Variants in PPARGC1A observed in about 807,000 individuals in gnomAD.
The protein encoded by PPARGC1A is peroxisome proliferator-activated receptor gamma coactivator 1-alpha.
PPARGC1A carries 25 observed loss-of-function variants against 88.7 expected under a neutral mutation model. That is an observed-to-expected ratio of 0.28 (90% CI 0.21 to 0.39). PPARGC1A has a LOEUF of 0.39. PPARGC1A is among the 10% of genes least tolerant of loss of function. The probability of loss-of-function intolerance (pLI) is 1.00; values close to 1 mark genes in which losing one functional copy is unlikely to be tolerated. For missense variants in PPARGC1A, 880 were observed against 968.7 expected (o/e 0.91, Z 1.22); for synonymous variants, 363 against 355.6 (o/e 1.02, Z -0.24).
the PPARGC1A span, among the ~76,000 whole-genome samples, chr4:24,303,947 A>G: frequency 6.6e-6 from 1 of 152,252 alleles, no homozygotes; most frequent in Non-Finnish European, 1.5e-5. Flanking sequence ...TCTTTCTGCC[A>G]TGGGGTTAGT....
the PPARGC1A span, among the ~76,000 whole-genome samples, chr4:23,956,759 T>C: frequency 6.6e-6 from 1 of 152,094 alleles, no homozygotes; most frequent in African/African-American, 2.4e-5. Context: ...AATGCACACA[T>C]AATAAAATTC....
chr4:23,889,506 AT>A, intron 1 of PPARGC1A: 1 of 426,010 alleles, frequency 2.3e-6, no homozygotes, highest in Non-Finnish European at 3.1e-6. Context: ...CCATTTTAAT[AT>A]TTTTATCTTC....
the PPARGC1A span, among the ~76,000 whole-genome samples, chr4:24,326,796 C>G: frequency 6.6e-6 from 1 of 152,178 alleles, no homozygotes; most frequent in Non-Finnish European, 1.5e-5. Context: ...CACCCTGTAG[C>G]CTTTCTGTCC....
the PPARGC1A span, among the ~76,000 whole-genome samples, chr4:24,071,671 A>G: frequency 1.3e-4 from 20 of 152,114 alleles, no homozygotes; most frequent in Non-Finnish European, 2.9e-4. Flanking sequence ...TCAAAGCACT[A>G]TTCAGGATGT....
chr4:24,456,650 G>A, the PPARGC1A span, among the ~76,000 whole-genome samples: 1 of 152,134 alleles, frequency 6.6e-6, no homozygotes, highest in South Asian at 2.1e-4. Flanking sequence ...AGAGCTTTGA[G>A]GTTTTAGCAA....
chr4:24,420,973 T>C, the PPARGC1A span, among the ~76,000 whole-genome samples: 1 of 152,100 alleles, frequency 6.6e-6, no homozygotes, highest in African/African-American at 2.4e-5. Context: ...TTAAAAGCAT[T>C]CCCTCAAGCC....
chr4:24,069,570 A>T, the PPARGC1A span, among the ~76,000 whole-genome samples: 1 of 152,206 alleles, frequency 6.6e-6, no homozygotes, highest in African/African-American at 2.4e-5. Flanking sequence ...ACAACACTGC[A>T]TGTTACTTAG....
intron 3 of PPARGC1A, among the ~76,000 whole-genome samples, chr4:23,831,051 A>G (rs1400912860): frequency 6.6e-6 from 1 of 152,234 alleles, no homozygotes; most frequent in Admixed American, 6.5e-5. Context: ...AGTGAAAAAT[A>G]GAAGAAAAAA....
At chr4:24,269,551 CTTTA>C in the PPARGC1A span, among the ~76,000 whole-genome samples, 4 of 152,080 alleles carry the variant, frequency 2.6e-5, no homozygotes, top group South Asian at 2.1e-4. Flanking sequence ...ATCTCAGTCA[CTTTA>C]TTTATAAAAG....
upstream of PPARGC1A, among the ~76,000 whole-genome samples, chr4:23,893,045 C>T (rs1479691973): frequency 6.6e-6 from 1 of 151,846 alleles, no homozygotes. Flanking sequence ...CTGCTGAGTG[C>T]CCCCAATGTT....
the PPARGC1A span, among the ~76,000 whole-genome samples, chr4:24,457,952 CAACAG>C: frequency 1.3e-5 from 2 of 151,924 alleles, no homozygotes; most frequent in Non-Finnish European, 2.9e-5. Flanking sequence ...CTGTAGATCT[CAACAG>C]AACATAGGCC....
At chr4:24,433,866 C>A in the PPARGC1A span, among the ~76,000 whole-genome samples, 1 of 152,166 alleles carries the variant, frequency 6.6e-6, no homozygotes, top group Non-Finnish European at 1.5e-5. Context: ...CCTGGCAGGG[C>A]CCCAGGACCA....
the PPARGC1A span, among the ~76,000 whole-genome samples, chr4:24,133,891 C>A: frequency 6.6e-6 from 1 of 152,148 alleles, no homozygotes; most frequent in Non-Finnish European, 1.5e-5. Context: ...CCCTTAAATC[C>A]TAAACTGTCC....
chr4:23,807,013 C>A (rs541350386), intron 10 of PPARGC1A, among the ~76,000 whole-genome samples: 1 of 152,132 alleles, frequency 6.6e-6, no homozygotes, highest in African/African-American at 2.4e-5. Context: ...CAGCTCTCTA[C>A]GTTTGCAAGT....
the PPARGC1A span, among the ~76,000 whole-genome samples, chr4:24,083,664 C>G: frequency 3.3e-5 from 5 of 152,248 alleles, no homozygotes; most frequent in African/African-American, 1.2e-4. Flanking sequence ...ATATACAGAA[C>G]AGTTCACCTC....
the PPARGC1A span, among the ~76,000 whole-genome samples, chr4:24,136,331 G>A: frequency 6.6e-6 from 1 of 152,164 alleles, no homozygotes; most frequent in East Asian, 1.9e-4. Flanking sequence ...TACAATCCAT[G>A]TCCCACAGTT....
At chr4:23,824,800 A>G (rs1577405713) in intron 5 of PPARGC1A, among the ~76,000 whole-genome samples, 1 of 152,254 alleles carries the variant, frequency 6.6e-6, no homozygotes, top group East Asian at 1.9e-4. Flanking sequence ...AGAGAGAAAT[A>G]ATGTTTTCTA....
At chr4:23,957,466 C>T in the PPARGC1A span, among the ~76,000 whole-genome samples, 48,900 of 151,950 alleles carry the variant, frequency 0.32, 8,345 homozygotes, top group Non-Finnish European at 0.39. Context: ...AATGGATAGG[C>T]AATCGATTTA....
chr4:23,936,803 G>T, the PPARGC1A span, among the ~76,000 whole-genome samples: 3 of 152,242 alleles, frequency 2.0e-5, no homozygotes, highest in South Asian at 6.2e-4. Flanking sequence ...CTGGGAGATG[G>T]AGGTTGCAGT....
Sources: gnomAD v4.1 joint callset for allele counts (sites outside exome capture counted in the v4.1 genomes callset) on GRCh38, gnomAD v4.1.1 for gene constraint, MANE v1.5 for transcripts, NCBI Gene and HGNC (gene_info 2026-07-23, HGNC 2026-07-21) for gene names.